The following PKIB variants were observed in gnomAD, a reference collection of about 807,000 sequenced individuals.
The protein encoded by PKIB is cAMP-dependent protein kinase inhibitor beta.
In PKIB, 2 loss-of-function variants were observed where a neutral mutation model predicts 4.5. That is an observed-to-expected ratio of 0.44 (90% CI 0.18 to 1.39). PKIB has a LOEUF of 1.39. Ranked by LOEUF, PKIB falls within the 40% of genes most tolerant of loss-of-function variation. PKIB has a pLI of 0.27. For synonymous variants in PKIB, 38 were observed against 36.0 expected, an observed-to-expected ratio of 1.06 and a Z score of -0.20; for missense variants, 94 against 92.6, an observed-to-expected ratio of 1.02 and a Z score of -0.06.
At position 122,542,634 on chromosome 6, in the gene PKIB, G is replaced by T. The variant is rs181942567; in HGVS notation, c.-247-43287G>T. 5.0e-3 allele frequency among the ~76,000 whole-genome samples: 767 copies of T among 152,186 alleles called. 10 individuals are homozygous for T. The highest frequency in any genetic ancestry group is 0.017 in the African/African-American group (714 of 41,454). On this transcript the variant is annotated intron_variant, in intron 2 of 6. Coordinates refer to the PKIB transcript ENST00000392491. ...AGGTGTCAGTCTGCCCCTACTGGGG[G>T]GTGCCTCCCAGTTAGGCTGCTCGGG...
intron 2 of PKIB, among the ~76,000 whole-genome samples, chr6:122,499,384 A>G (rs1433089249): frequency 6.6e-6 from 1 of 152,154 alleles, no homozygotes; most frequent in Non-Finnish European, 1.5e-5. Context: ...TTTTATTCCT[A>G]GCAGTCAGGG....
intron 3 of PKIB, among the ~76,000 whole-genome samples, chr6:122,687,568 C>T (rs986032304): frequency 3.3e-5 from 5 of 152,008 alleles, no homozygotes; most frequent in Admixed American, 6.6e-5. Flanking sequence ...GTAATATGGA[C>T]GTTTTAACAT....
chr6:122,677,453 A>G (rs1057441901), intron 3 of PKIB, among the ~76,000 whole-genome samples: 3 of 152,078 alleles, frequency 2.0e-5, no homozygotes, highest in African/African-American at 7.2e-5. Context: ...CCATATATGG[A>G]TGAGGGGTTG....
At chr6:122,683,850 C>G (rs1490265443) in intron 3 of PKIB, among the ~76,000 whole-genome samples, 1 of 152,150 alleles carries the variant, frequency 6.6e-6, no homozygotes, top group African/African-American at 2.4e-5. Flanking sequence ...TATGATCCAG[C>G]CATCACACTT....
At chr6:122,711,253 T>C (rs764809064) in intron 3 of PKIB, among the ~76,000 whole-genome samples, 1 of 152,194 alleles carries the variant, frequency 6.6e-6, no homozygotes, top group African/African-American at 2.4e-5. Flanking sequence ...GAATTTTCTT[T>C]TTTATTTTTA....
intron 3 of PKIB, among the ~76,000 whole-genome samples, chr6:122,693,906 C>T (rs2115007408): frequency 6.6e-6 from 1 of 152,134 alleles, no homozygotes; most frequent in African/African-American, 2.4e-5. Context: ...CTAGACAAGG[C>T]CATCAGCATA....
chr6:122,524,634 A>G (rs544703151), intron 2 of PKIB, among the ~76,000 whole-genome samples: 89 of 152,056 alleles, frequency 5.9e-4, no homozygotes, highest in African/African-American at 2.0e-3. Context: ...GAGGTTTTTG[A>G]TTACTGATTC....
chr6:122,703,185 T>G (rs1244185562), intron 3 of PKIB, among the ~76,000 whole-genome samples: 1 of 152,218 alleles, frequency 6.6e-6, no homozygotes, highest in Non-Finnish European at 1.5e-5. Context: ...ATATTGTCTA[T>G]GTACTGAACA....
chr6:122,472,259 C>T (rs886251403), intron 1 of PKIB, among the ~76,000 whole-genome samples: 7 of 152,212 alleles, frequency 4.6e-5, no homozygotes, highest in Admixed American at 3.9e-4. Flanking sequence ...GCGTTTGCAA[C>T]GTATTCCTGC....
intron 2 of PKIB, among the ~76,000 whole-genome samples, chr6:122,562,262 T>G (rs1010921963): frequency 1.3e-5 from 2 of 152,034 alleles, no homozygotes; most frequent in African/African-American, 4.8e-5. Flanking sequence ...ATTGTTTTGT[T>G]TGAGGAGGCT....
chr6:122,575,835 A>C (rs1335829783), intron 2 of PKIB, among the ~76,000 whole-genome samples: 1 of 152,180 alleles, frequency 6.6e-6, no homozygotes, highest in African/African-American at 2.4e-5. Flanking sequence ...CAAGTGCACT[A>C]AAATCTCAGA....
At chr6:122,476,884 G>A (rs1027941408) in intron 1 of PKIB, among the ~76,000 whole-genome samples, 1 of 152,098 alleles carries the variant, frequency 6.6e-6, no homozygotes, top group Non-Finnish European at 1.5e-5. Flanking sequence ...TTGTGCTACA[G>A]AAAGGAATCA....
intron 2 of PKIB, among the ~76,000 whole-genome samples, chr6:122,523,696 T>C (rs1484853167): frequency 6.6e-6 from 1 of 151,812 alleles, no homozygotes; most frequent in Non-Finnish European, 1.5e-5. Context: ...GGTAGGAGAA[T>C]TGCTTGAACT....
At chr6:122,513,224 C>T (rs1204139480) in intron 2 of PKIB, among the ~76,000 whole-genome samples, 1 of 152,176 alleles carries the variant, frequency 6.6e-6, no homozygotes, top group Non-Finnish European at 1.5e-5. Flanking sequence ...CATACTTTCC[C>T]ACACCATTTA....
chr6:122,696,157 G>C (rs1293124106), intron 3 of PKIB, among the ~76,000 whole-genome samples: 1 of 152,184 alleles, frequency 6.6e-6, no homozygotes, highest in African/African-American at 2.4e-5. Context: ...CCATAGTCTT[G>C]AAAGTCAGCA....
chr6:122,604,022 A>G (rs1234112957), intron 3 of PKIB, among the ~76,000 whole-genome samples: 2 of 152,228 alleles, frequency 1.3e-5, no homozygotes, highest in Admixed American at 6.5e-5. Flanking sequence ...ACATATTTAT[A>G]CAAAAATATT....
chr6:122,542,454 ACT>A (rs2114639468), intron 2 of PKIB, among the ~76,000 whole-genome samples: 1 of 151,958 alleles, frequency 6.6e-6, no homozygotes, highest in South Asian at 2.1e-4. Context: ...TCCACTCCAG[ACT>A]CTGTTTGCCT....
intron 2 of PKIB, among the ~76,000 whole-genome samples, chr6:122,505,285 G>A (rs1260175110): frequency 1.3e-5 from 2 of 152,090 alleles, no homozygotes; most frequent in Non-Finnish European, 2.9e-5. Context: ...GGAACATGAT[G>A]GCAATTAGGA....
chr6:122,625,702 A>G (rs1025535127), intron 1 of PKIB, among the ~76,000 whole-genome samples: 2 of 152,110 alleles, frequency 1.3e-5, no homozygotes, highest in African/African-American at 4.8e-5. Flanking sequence ...AAAATGTAGC[A>G]GTTGCCAAGG....
Sources: gnomAD v4.1 joint callset for allele counts (sites outside exome capture counted in the v4.1 genomes callset) on GRCh38, gnomAD v4.1.1 for gene constraint, MANE v1.5 for transcripts, NCBI Gene and HGNC (gene_info 2026-07-23, HGNC 2026-07-21) for gene names.